SAXO1: variants seen among roughly 807,000 people sequenced by gnomAD.
SAXO1 encodes the protein 4930500O09Rik.
In SAXO1, 21 loss-of-function variants were observed where a neutral mutation model predicts 17.5. The observed-to-expected ratio is 1.20, with a 90% CI of 0.85 to 1.72. SAXO1 has a LOEUF of 1.72. SAXO1 is among the 40% of genes most tolerant of loss of function. The pLI is 0.00. For missense variants in SAXO1, 843 were observed against 596.0 expected, an observed-to-expected ratio of 1.41 and a Z score of -4.32; for synonymous variants, 274 against 216.5, an observed-to-expected ratio of 1.27 and a Z score of -2.33.
At chr9:18,990,914 TA>T (rs1467642789) in intron 1 of SAXO1, among the ~76,000 whole-genome samples, 7 of 152,164 alleles carry the variant, frequency 4.6e-5, no homozygotes, top group Admixed American at 2.0e-4. Context: ...GATTCTACAT[TA>T]CAGTGAGTTG....
intron 1 of SAXO1, among the ~76,000 whole-genome samples, chr9:18,977,142 G>T (rs1305611428): frequency 1.3e-5 from 2 of 152,160 alleles, no homozygotes; most frequent in African/African-American, 4.8e-5. Flanking sequence ...TTATAAACTG[G>T]CATGAGACAG....
At chr9:19,032,171 C>T (rs1835801055) in intron 1 of SAXO1, among the ~76,000 whole-genome samples, 1 of 152,072 alleles carries the variant, frequency 6.6e-6, no homozygotes, top group South Asian at 2.1e-4. Context: ...CTGCCCACTC[C>T]CTGCCCCAGC....
Position 19,028,069 on chromosome 9 carries a change from G to A in SAXO1, c.38+4802C>T, listed in dbSNP as rs887911605. 3 of 1,611,830 alleles carry A rather than the reference G, an allele frequency of 1.9e-6. No individual in the cohort carries two copies. The African/African-American group carries it at 4.0e-5, about 22-fold the overall frequency. ...GGGTGCCACGGAGCTCACCCACGAG[G>A]ACTACATGGAAGGCATCCTGGAGGT... On this transcript the variant is annotated intron_variant, in intron 1 of 3. Transcript: ENST00000380534.
chr9:18,937,444 A>T (rs1177455953), intron 3 of SAXO1, among the ~76,000 whole-genome samples: 1 of 152,230 alleles, frequency 6.6e-6, no homozygotes, highest in Non-Finnish European at 1.5e-5. Flanking sequence ...TTGGGCATTC[A>T]AGGCACAGTT....
chr9:18,929,091 T>A (rs371534241), intron 3 of SAXO1, 36 bp from the exon 4 acceptor site: 1 of 1,600,992 alleles, frequency 6.2e-7, no homozygotes, highest in Non-Finnish European at 8.5e-7. Flanking sequence ...TAATAATAAA[T>A]CAAGTCAACC....
rs1164245619 is a variant in SAXO1 at position 19,033,080 on chromosome 9, C to T, written c.-172G>A. 3.2e-6 allele frequency: 2 copies of T among 624,040 alleles called. No individual in the cohort carries two copies. Among genetic ancestry groups the T allele is most frequent in the Non-Finnish European group, 2.6e-6 (1 of 388,106 alleles). The allele number at this position is 624,040 out of a possible 1,614,324, so 38.7% of individuals were successfully genotyped here. On this transcript the variant is annotated 5_prime_UTR_variant, in exon 1 of 4. Coordinates refer to ENST00000380534, the MANE Select transcript of SAXO1 (RefSeq NM_153707.4). Reference sequence around the variant, plus strand: ...TTTTGCAATGTCCTGTCGTCTGTTGCCCTCCTGGAGCTGGCCTAGCGCGAG... The same window carrying T: ...TTTTGCAATGTCCTGTCGTCTGTTGTCCTCCTGGAGCTGGCCTAGCGCGAG...
intron 1 of SAXO1, among the ~76,000 whole-genome samples, chr9:19,022,574 T>C (rs1044613798): frequency 1.3e-5 from 2 of 152,316 alleles, no homozygotes; most frequent in Admixed American, 1.3e-4. Flanking sequence ...AAAGAGAAAT[T>C]GGACCATTAT....
intron 1 of SAXO1, among the ~76,000 whole-genome samples, chr9:19,013,461 G>A (rs1443497844): frequency 1.3e-5 from 2 of 151,252 alleles, no homozygotes; most frequent in South Asian, 2.1e-4. Context: ...CTCAGGGCAA[G>A]AGCTGACCAT....
intron 1 of SAXO1, among the ~76,000 whole-genome samples, chr9:19,006,548 G>A (rs535589955): frequency 4.6e-5 from 7 of 152,284 alleles, no homozygotes; most frequent in South Asian, 2.1e-4. Flanking sequence ...CTCCACTTAC[G>A]AGGTACCTGC....
intron 1 of SAXO1, among the ~76,000 whole-genome samples, chr9:19,039,270 C>T (rs751715809): frequency 6.6e-6 from 1 of 152,112 alleles, no homozygotes; most frequent in Non-Finnish European, 1.5e-5. Flanking sequence ...TGTGGTTAAA[C>T]GTTATTGCTG....
At chr9:19,011,444 T>G (rs534707481) in intron 1 of SAXO1, among the ~76,000 whole-genome samples, 1 of 152,330 alleles carries the variant, frequency 6.6e-6, no homozygotes, top group African/African-American at 2.4e-5. Context: ...CCGATGCACA[T>G]GCAGATTGTC....
intron 3 of SAXO1, among the ~76,000 whole-genome samples, chr9:18,931,875 G>T (rs897130100): frequency 6.6e-6 from 1 of 152,110 alleles, no homozygotes; most frequent in Admixed American, 6.6e-5. Flanking sequence ...TCTTCTTATT[G>T]AGTTATAGAA....
chr9:19,026,885 AAAG>A (rs1835496468), intron 1 of SAXO1: 2 of 713,438 alleles, frequency 2.8e-6, no homozygotes, highest in South Asian at 2.7e-5. Flanking sequence ...AAAAACTAGA[AAAG>A]AAGATGGCAA....
chr9:18,929,567 A>T (rs1261346360), intron 3 of SAXO1, among the ~76,000 whole-genome samples: 1 of 152,160 alleles, frequency 6.6e-6, no homozygotes, highest in Non-Finnish European at 1.5e-5. Context: ...CTCACATGTA[A>T]TCCACATAAA....
chr9:19,027,317 T>G (rs1835525569), intron 1 of SAXO1: 2 of 813,630 alleles, frequency 2.5e-6, no homozygotes, highest in South Asian at 2.7e-5. Context: ...AAGACTCCTA[T>G]CCAATCCTGG....
At chr9:19,047,811 T>C (rs950796657) in intron 1 of SAXO1, among the ~76,000 whole-genome samples, 5 of 152,150 alleles carry the variant, frequency 3.3e-5, no homozygotes, top group Non-Finnish European at 5.9e-5. Context: ...ACTTTTTATC[T>C]GGAAACTATT....
chr9:18,934,651 C>A (rs1831210313), intron 3 of SAXO1, among the ~76,000 whole-genome samples: 1 of 152,212 alleles, frequency 6.6e-6, no homozygotes. Flanking sequence ...CGATGTCCAA[C>A]ATCTGGGCTC....
In SAXO1 at chr9:18,941,739, T is replaced by A. The variant is rs778039622; in HGVS notation, c.319A>T (p.Lys107Ter). 17 of 1,613,784 alleles carry A rather than the reference T, an allele frequency of 1.1e-5. No individual in the cohort carries two copies. Among genetic ancestry groups the A allele is most frequent in the Non-Finnish European group, 1.4e-5 (17 of 1,180,044 alleles). Residue 107 changes from lysine to a stop codon, truncating the protein, a stop_gained, in exon 3 of 4, where the codon AAA (lysine) becomes TAA (stop). Coordinates refer to ENST00000380534, the MANE Select transcript of SAXO1 (RefSeq NM_153707.4). LOFTEE classifies it high-confidence loss of function. ...CAGACAGGGTAGGGATTGTAATCTT[T>A]CTTATACGTCGTGAGCAAATCCATA... ...ENMDLLTTYK[K>*]DYNPYPVCRV... is the part of the protein sequence containing the mutation.
At chr9:18,940,419 C>A (rs542028911) in intron 3 of SAXO1, among the ~76,000 whole-genome samples, 1 of 152,212 alleles carries the variant, frequency 6.6e-6, no homozygotes, top group East Asian at 1.9e-4. Context: ...AAGAGGCCCA[C>A]GCCAATCCAG....
Sources: gnomAD v4.1 joint callset for allele counts (sites outside exome capture counted in the v4.1 genomes callset) on GRCh38, gnomAD v4.1.1 for gene constraint, MANE v1.5 for transcripts, NCBI Gene and HGNC (gene_info 2026-07-23, HGNC 2026-07-21) for gene names.